TMEM114: variants seen among roughly 807,000 people sequenced by gnomAD.
TMEM114 encodes the protein transmembrane protein 114, also known as claudin-26.
Under a neutral mutation model 6.2 loss-of-function variants are expected in TMEM114, and 6 were observed. That is an observed-to-expected ratio of 0.97 (90% CI 0.53 to 1.91). The LOEUF is 1.91. Among genes scored for constraint, TMEM114 ranks in the 40% most tolerant of loss-of-function variants. The pLI is 0.01. For missense variants in TMEM114, 218 were observed against 158.3 expected (o/e 1.38, Z -2.02); for synonymous variants, 104 against 73.0 (o/e 1.42, Z -2.16).
At chr16:8,588,258 G>A (rs1465205420) in intron 2 of TMEM114, among the ~76,000 whole-genome samples, 1 of 147,378 alleles carries the variant, frequency 6.8e-6, no homozygotes, top group Non-Finnish European at 1.5e-5. Context: ...CTGTACTCCA[G>A]CCTGGGCAAC....
chr16:8,587,872 A>G (rs1902363278), intron 2 of TMEM114, among the ~76,000 whole-genome samples: 1 of 151,712 alleles, frequency 6.6e-6, no homozygotes, highest in Non-Finnish European at 1.5e-5. Flanking sequence ...GGAGAAGGCC[A>G]GGCACAGTGG....
intron 2 of TMEM114, among the ~76,000 whole-genome samples, chr16:8,576,556 G>T (rs1031286068): frequency 6.6e-6 from 1 of 152,210 alleles, no homozygotes; most frequent in African/African-American, 2.4e-5. Context: ...AGAGGTGGCA[G>T]GAATCAAAGG....
At chr16:8,554,715 C>G (rs1900952188) in intron 2 of TMEM114, among the ~76,000 whole-genome samples, 1 of 152,174 alleles carries the variant, frequency 6.6e-6, no homozygotes, top group Non-Finnish European at 1.5e-5. Context: ...AAATAAGAAT[C>G]CTAAAAGCAG....
chr16:8,541,615 ATAAT>A (rs572641746), intron 2 of TMEM114, among the ~76,000 whole-genome samples: 79 of 152,364 alleles, frequency 5.2e-4, no homozygotes, highest in Non-Finnish European at 9.0e-4. Context: ...ATTTTGAAAA[ATAAT>A]TAATTGTGTC....
intron 2 of TMEM114, among the ~76,000 whole-genome samples, chr16:8,587,399 A>G (rs1902350066): frequency 2.6e-5 from 4 of 152,212 alleles, no homozygotes; most frequent in Admixed American, 6.5e-5. Flanking sequence ...GGAGCTTTCA[A>G]TCTAATGAGG....
intron 2 of TMEM114, among the ~76,000 whole-genome samples, chr16:8,588,000 A>C (rs1413011951): frequency 6.6e-6 from 1 of 151,982 alleles, no homozygotes; most frequent in Admixed American, 6.6e-5. Context: ...TTAAAAAAAA[A>C]CTGATACCAA....
intron 2 of TMEM114, among the ~76,000 whole-genome samples, chr16:8,580,136 C>A (rs548539379): frequency 3.3e-5 from 5 of 152,280 alleles, no homozygotes; most frequent in Admixed American, 3.3e-4. Context: ...AATCCAACCA[C>A]AGAGGCAGCC....
At chr16:8,547,271 T>G (rs1396826487) in intron 2 of TMEM114, among the ~76,000 whole-genome samples, 6 of 152,140 alleles carry the variant, frequency 3.9e-5, no homozygotes, top group African/African-American at 1.4e-4. Flanking sequence ...TCAACCAGGA[T>G]TTCTCCAAAG....
intron 2 of TMEM114, among the ~76,000 whole-genome samples, chr16:8,559,637 T>C (rs1265350463): frequency 2.0e-5 from 3 of 152,210 alleles, no homozygotes; most frequent in African/African-American, 7.2e-5. Context: ...CTGAGTACTC[T>C]GTTAAAAGAA....
intron 2 of TMEM114, among the ~76,000 whole-genome samples, chr16:8,564,284 AT>A (rs1901434078): frequency 3.0e-5 from 4 of 133,454 alleles, no homozygotes; most frequent in South Asian, 2.5e-4. Context: ...TGAATGAGTG[AT>A]GAAATAAGTG....
intron 2 of TMEM114, among the ~76,000 whole-genome samples, chr16:8,563,004 GTGAA>G (rs879692080): frequency 0.029 from 4,082 of 141,664 alleles, 376 homozygotes; most frequent in Middle Eastern, 0.042. Flanking sequence ...GAATGAGTGA[GTGAA>G]TGAATGAGTG....
chr16:8,561,905 T>A (rs946896006), intron 2 of TMEM114, among the ~76,000 whole-genome samples: 1 of 58,762 alleles, frequency 1.7e-5, no homozygotes, highest in Non-Finnish European at 3.4e-5. Flanking sequence ...AGTAAATGAG[T>A]GAATGAATGA....
chr16:8,558,645 G>A lies in TMEM114; in HGVS notation n.213-20819C>T, dbSNP rs142288547. On this transcript the variant is annotated intron_variant and non_coding_transcript_variant, in intron 2 of 2. Transcript: ENST00000623677. The stretch of plus-strand genomic sequence containing the variant: ...GAACCTCCAACAGTCCCCTATTTAG[G>A]CAAGCAACTACAACACCCACCCTGA... 2.6e-3 allele frequency among the ~76,000 whole-genome samples: 393 copies of A among 152,124 alleles called. 6 individuals carry two copies. The highest frequency in any genetic ancestry group is 0.014 in the East Asian group (73 of 5,178).
chr16:8,535,704 T>A (rs1482152126), downstream of TMEM114, among the ~76,000 whole-genome samples: 2 of 152,304 alleles, frequency 1.3e-5, no homozygotes, highest in Middle Eastern at 3.4e-3. Flanking sequence ...GAACGTCACC[T>A]GCAAATTTTG....
chr16:8,536,928 C>G (rs1047943110), downstream of TMEM114, among the ~76,000 whole-genome samples: 1 of 152,034 alleles, frequency 6.6e-6, no homozygotes, highest in East Asian at 1.9e-4. Context: ...AACATACAGG[C>G]CAGGTGCAGT....
chr16:8,541,339 A>G (rs544182436), intron 2 of TMEM114, among the ~76,000 whole-genome samples: 1 of 152,292 alleles, frequency 6.6e-6, no homozygotes, highest in Admixed American at 6.5e-5. Flanking sequence ...AGGACAGTCC[A>G]GGGTTACATT....
chr16:8,556,203 C>G (rs892534826), intron 2 of TMEM114, among the ~76,000 whole-genome samples: 1 of 152,164 alleles, frequency 6.6e-6, no homozygotes, highest in African/African-American at 2.4e-5. Context: ...TGCCCACATT[C>G]TCTCATCTAC....
At chr16:8,537,105 C>A (rs916518624), downstream of TMEM114, among the ~76,000 whole-genome samples, 1 of 152,068 alleles carries the variant, frequency 6.6e-6, no homozygotes, top group African/African-American at 2.4e-5. Context: ...TCTTGGGAGG[C>A]TGAGGCTGGA....
chr16:8,532,991 A>G (rs2141640531), downstream of TMEM114, among the ~76,000 whole-genome samples: 1 of 152,312 alleles, frequency 6.6e-6, no homozygotes, highest in African/African-American at 2.4e-5. Context: ...GTGCACTGAC[A>G]CTGTGATGAG....
Sources: allele counts gnomAD v4.1 joint callset (sites outside exome capture counted in the v4.1 genomes callset), GRCh38; gene constraint gnomAD v4.1.1; transcripts MANE v1.5; gene names NCBI Gene and HGNC (gene_info 2026-07-23, HGNC 2026-07-21).